FUT8: variants seen among roughly 807,000 people sequenced by gnomAD.
FUT8 encodes the protein fucosyltransferase 8, also known as alpha-(1,6)-fucosyltransferase.
FUT8 carries 29 observed loss-of-function variants against 71.3 expected under a neutral mutation model. The ratio of observed to expected loss-of-function variants is 0.41; its 90% CI spans 0.30 to 0.55. FUT8 has a LOEUF of 0.55. FUT8 is among the 20% of genes least tolerant of loss of function. The pLI, the probability that FUT8 is intolerant of heterozygous loss-of-function variation, is 0.34. For synonymous variants in FUT8, 254 were observed against 239.3 expected (o/e 1.06, Z -0.57); for missense variants, 544 against 702.1 (o/e 0.77, Z 2.55).
At chr14:65,462,220 G>A (rs1423786924) in intron 2 of FUT8, among the ~76,000 whole-genome samples, 1 of 152,198 alleles carries the variant, frequency 6.6e-6, no homozygotes, top group Non-Finnish European at 1.5e-5. Flanking sequence ...GCTCTAACTT[G>A]TGAATGTAGC....
At chr14:65,597,228 A>G (rs1888029116) in intron 3 of FUT8, among the ~76,000 whole-genome samples, 1 of 152,186 alleles carries the variant, frequency 6.6e-6, no homozygotes, top group South Asian at 2.1e-4. Flanking sequence ...TAAAAACTAT[A>G]GTTTAAATCT....
intron 7 of FUT8, among the ~76,000 whole-genome samples, chr14:65,692,972 C>G (rs548677105): frequency 6.6e-5 from 10 of 152,022 alleles, no homozygotes; most frequent in African/African-American, 1.2e-4. Flanking sequence ...AGGCGCTCCT[C>G]GCTTCCTAGA....
chr14:65,611,386 TTTTC>T (rs1046362203), intron 3 of FUT8, among the ~76,000 whole-genome samples: 2 of 151,660 alleles, frequency 1.3e-5, no homozygotes, highest in African/African-American at 2.4e-5. Context: ...GTTTAATTGA[TTTTC>T]TTTCTTTTTT....
At chr14:65,581,118 T>C (rs58087042) in intron 3 of FUT8, among the ~76,000 whole-genome samples, 2,061 of 152,048 alleles carry the variant, frequency 0.014, 38 homozygotes, top group East Asian at 0.093. Context: ...GGGATGTAGG[T>C]GTTTGATGAT....
At chr14:65,710,826 G>A (rs1415132238) in intron 7 of FUT8, among the ~76,000 whole-genome samples, 2 of 152,196 alleles carry the variant, frequency 1.3e-5, no homozygotes, top group Non-Finnish European at 2.9e-5. Flanking sequence ...GGCTCTGCGG[G>A]CTGTGTAAGA....
intron 3 of FUT8, among the ~76,000 whole-genome samples, chr14:65,608,063 C>CAACAAAA (rs1555375429): frequency 3.7e-5 from 4 of 108,626 alleles, no homozygotes; most frequent in Admixed American, 2.0e-4. Flanking sequence ...GACTCCGTCT[C>CAACAAAA]AAAAAAAAAA....
chr14:65,649,768 A>C (rs919535955), intron 6 of FUT8, among the ~76,000 whole-genome samples: 5 of 152,190 alleles, frequency 3.3e-5, no homozygotes, highest in African/African-American at 4.8e-5. Context: ...CAAGATTGAG[A>C]GATTGTTGAA....
In FUT8 at chr14:65,655,737, C is replaced by T. The variant is rs58187170; in HGVS notation, c.598-13506C>T. ...TCAATAATTGATGGAAGCATTAGAC[C>T]GAAAACAAACAAGGTCATTCATCAT... is the stretch of plus-strand genomic sequence containing the variant. On this transcript the variant is annotated intron_variant, in intron 6 of 10. Transcript: ENST00000673929. Among the ~76,000 whole-genome samples, 861 of 152,050 alleles carry T rather than the reference C, an allele frequency of 5.7e-3. 9 individuals are homozygous for T. The highest frequency in any genetic ancestry group is 0.018 in the African/African-American group (744 of 41,478).
intron 1 of FUT8, among the ~76,000 whole-genome samples, chr14:65,444,875 A>G (rs557203084): frequency 6.6e-6 from 1 of 152,212 alleles, no homozygotes; most frequent in East Asian, 1.9e-4. Flanking sequence ...ATTGGTTCAT[A>G]TGGGGGAGCC....
intron 3 of FUT8, among the ~76,000 whole-genome samples, chr14:65,581,994 A>G (rs1594786953): frequency 6.6e-6 from 1 of 152,126 alleles, no homozygotes; most frequent in Non-Finnish European, 1.5e-5. Context: ...TTACATCTGG[A>G]TGAGACCATT....
intron 2 of FUT8, among the ~76,000 whole-genome samples, chr14:65,558,361 G>A (rs1479991362): frequency 3.3e-5 from 5 of 150,822 alleles, no homozygotes; most frequent in East Asian, 1.9e-4. Flanking sequence ...TGGTCTTTTA[G>A]GCCAATTAAA....
chr14:65,643,337 A>C lies in FUT8; in HGVS notation c.597+13731A>C, dbSNP rs1890928060. Reference sequence around the variant, plus strand: ...AAAGGGAATACATATTTAGGTCATTAACATCTGTGACCTGGAAATAAAATT... The same window carrying C: ...AAAGGGAATACATATTTAGGTCATTCACATCTGTGACCTGGAAATAAAATT... On this transcript the variant is annotated intron_variant, in intron 6 of 10. Coordinates refer to ENST00000673929, the MANE Select transcript of FUT8 (RefSeq NM_001371533.1). This position sits in a 1 kb window ranked among gnomAD's most constrained non-coding sequence, Gnocchi z 4.5. Among the ~76,000 whole-genome samples, 1 of 152,186 alleles carries C rather than the reference A, an allele frequency of 6.6e-6. No homozygotes were observed. The highest frequency in any genetic ancestry group is 1.5e-5 in the Non-Finnish European group (1 of 68,036).
At position 65,643,450 on chromosome 14, in the gene FUT8, C is replaced by T. The variant is rs1003765858; in HGVS notation, c.597+13844C>T. On this transcript the variant is annotated intron_variant, in intron 6 of 10. Coordinates refer to ENST00000673929, the MANE Select transcript of FUT8 (RefSeq NM_001371533.1). This position sits in a 1 kb window ranked among gnomAD's most constrained non-coding sequence, Gnocchi z 4.5. ...CAGGCGGGTCACGAGGTCAGGAGAT[C>T]GAGACCATCCTGGCTAACATGGTGA... Among the ~76,000 whole-genome samples the T allele has an allele frequency of 3.9e-5, 6 of 152,006 alleles. No homozygotes were observed. The highest frequency in any genetic ancestry group is 8.8e-5 in the Non-Finnish European group (6 of 67,982).
chr14:65,423,263 C>CT (rs1180861343), intron 1 of FUT8, among the ~76,000 whole-genome samples: 1,250 of 119,452 alleles, frequency 0.01, 30 homozygotes, highest in East Asian at 0.09. Flanking sequence ...GATTTTCTTT[C>CT]TTTTTTTTTT....
chr14:65,376,087 T>A, the FUT8 span, among the ~76,000 whole-genome samples: 1 of 148,142 alleles, frequency 6.8e-6, no homozygotes, highest in African/African-American at 2.5e-5. Flanking sequence ...TGAGACCCTG[T>A]CTCAAAAAAA....
chr14:65,502,908 T>G (rs545251391), intron 2 of FUT8, among the ~76,000 whole-genome samples: 1 of 152,306 alleles, frequency 6.6e-6, no homozygotes, highest in Admixed American at 6.5e-5. Flanking sequence ...TCTAACAAGC[T>G]CCCAGGGGAG....
intron 1 of FUT8, 94 bp from the exon 2 acceptor site, chr14:65,455,527 A>G (rs772883097): frequency 4.3e-5 from 17 of 395,038 alleles, no homozygotes; most frequent in African/African-American, 6.2e-5. Context: ...GACTGGCTAC[A>G]TAAAGAAAAG....
chr14:65,369,754 A>G, the FUT8 span, among the ~76,000 whole-genome samples: 1 of 152,226 alleles, frequency 6.6e-6, no homozygotes, highest in Admixed American at 6.5e-5. This position sits in a 1 kb window ranked among gnomAD's most constrained non-coding sequence, Gnocchi z 4.6. Flanking sequence ...AGTTCCAGGA[A>G]GTGCCCACTC....
intron 2 of FUT8, among the ~76,000 whole-genome samples, chr14:65,476,398 A>G (rs1440617778): frequency 1.3e-5 from 2 of 152,294 alleles, no homozygotes; most frequent in South Asian, 2.1e-4. Context: ...GTGATATCTA[A>G]AAGATTGAAT....
Sources: gnomAD v4.1 joint callset for allele counts (sites outside exome capture counted in the v4.1 genomes callset) on GRCh38, gnomAD v4.1.1 for gene constraint, Gnocchi (gnomAD v3.1) non-coding constraint, MANE v1.5 for transcripts, NCBI Gene and HGNC (gene_info 2026-07-23, HGNC 2026-07-21) for gene names.